Variants in B3GNT2 observed in about 807,000 individuals in gnomAD.
B3GNT2 encodes the protein UDP-GlcNAc:betaGal beta-1,3-N-acetylglucosaminyltransferase 2.
B3GNT2 carries 12 observed loss-of-function variants against 27.6 expected under a neutral mutation model. The observed-to-expected ratio is 0.44, with a 90% CI of 0.28 to 0.71. The LOEUF (loss-of-function observed/expected upper bound fraction) is 0.71, where lower values mean the gene tolerates loss of function less well. B3GNT2 is among the 30% of genes least tolerant of loss of function. The pLI is 0.17. For missense variants in B3GNT2, 413 were observed against 488.5 expected (o/e 0.85, Z 1.46); for synonymous variants, 192 against 189.7 (o/e 1.01, Z -0.10).
chr2:62,218,370 T>C (rs990622732), intron 1 of B3GNT2, among the ~76,000 whole-genome samples: 1 of 152,200 alleles, frequency 6.6e-6, no homozygotes, highest in Non-Finnish European at 1.5e-5. Flanking sequence ...CCTCTTCAGA[T>C]TGGCTTGAAA....
rs544957050 is a variant in B3GNT2 at position 62,223,562 on chromosome 2, G to C, written c.*148G>C. On this transcript the variant is annotated 3_prime_UTR_variant, in exon 2 of 2. Coordinates refer to ENST00000301998, the MANE Select transcript of B3GNT2 (RefSeq NM_006577.6). ...TGAGGGCCTCTAAACCCTTCAATTTGGTACTCACGTGAAGAGGGAAAGCGG... is the reference window on the plus strand; with the variant it reads ...TGAGGGCCTCTAAACCCTTCAATTTCGTACTCACGTGAAGAGGGAAAGCGG... The C allele has an allele frequency of 9.0e-6, 6 of 668,712 alleles. No individual in the cohort carries two copies. Among genetic ancestry groups the C allele is most frequent in the African/African-American group, 7.3e-5 (4 of 54,754 alleles). 41.4% of individuals were successfully genotyped at this position (668,712 alleles called of 1,614,324 possible). A position where few individuals can be genotyped will look rare whatever the true frequency, so the allele number is the denominator to read the frequency against.
chr2:62,214,154 A>G lies in B3GNT2; in HGVS notation c.-9-8058A>G, dbSNP rs77795073. ...GGAATGGAGAAGAAAGGAGTTCTAG[A>G]AAACAACAGACACATAGCTAGAGTT... On this transcript the variant is annotated intron_variant, in intron 1 of 1. Transcript: ENST00000301998. Among the ~76,000 whole-genome samples the G allele has an allele frequency of 4.1e-4, 63 of 152,326 alleles. 2 individuals carry two copies. In the East Asian group the frequency reaches 0.01, roughly 24 times the overall value.
At chr2:62,199,900 A>C (rs1362604046) in intron 1 of B3GNT2, among the ~76,000 whole-genome samples, 2 of 152,226 alleles carry the variant, frequency 1.3e-5, no homozygotes, top group Non-Finnish European at 2.9e-5. Flanking sequence ...TGTGTGGGGT[A>C]AGGTTTTGGG....
chr2:62,212,502 G>A (rs116907092), intron 1 of B3GNT2, among the ~76,000 whole-genome samples: 2 of 151,962 alleles, frequency 1.3e-5, no homozygotes, highest in East Asian at 3.9e-4. Flanking sequence ...TATGGAGGGA[G>A]GCCTCTTCAC....
chr2:62,199,209 G>T (rs987741272), intron 1 of B3GNT2, among the ~76,000 whole-genome samples: 1 of 152,198 alleles, frequency 6.6e-6, no homozygotes. Context: ...AAAGTGCTGG[G>T]ATTACAGACG....
At chr2:62,220,914 C>T (rs1229900433) in intron 1 of B3GNT2, among the ~76,000 whole-genome samples, 4 of 152,178 alleles carry the variant, frequency 2.6e-5, no homozygotes, top group African/African-American at 4.8e-5. Context: ...TTTATTCTTC[C>T]ATTGCCCACA....
At chr2:62,207,902 T>A (rs1002701890) in intron 1 of B3GNT2, among the ~76,000 whole-genome samples, 1 of 152,148 alleles carries the variant, frequency 6.6e-6, no homozygotes, top group African/African-American at 2.4e-5. Context: ...TTGAATTTGA[T>A]TGCCTGAGTG....
rs147249508 is a variant in B3GNT2, at chr2:62,222,385, C to T, written c.165C>T (p.Pro55=). The T allele has an allele frequency of 7.7e-5, 124 of 1,614,080 alleles. No individual in the cohort carries two copies. The highest frequency in any genetic ancestry group is 1.5e-4 in the Admixed American group (9 of 60,002). The part of the protein sequence containing the change: ...KEKFWKISTP[P]EAYWNREQEK... ...AGTTCTGGAAGATATCTACCCCTCCCGAGGCATACTGGAACCGAGAGCAAG... is the reference window on the plus strand; with the variant it reads ...AGTTCTGGAAGATATCTACCCCTCCTGAGGCATACTGGAACCGAGAGCAAG... The change falls in exon 2 of 2, where the codon CCC becomes CCT. Residue 55 remains proline (P), a synonymous_variant. Coordinates refer to ENST00000301998, the MANE Select transcript of B3GNT2 (RefSeq NM_006577.6). The surrounding 1 kb of genome is among the most constrained non-coding windows in gnomAD (Gnocchi z 4.2).
At chr2:62,216,027 C>T (rs560788997) in intron 1 of B3GNT2, among the ~76,000 whole-genome samples, 4 of 152,284 alleles carry the variant, frequency 2.6e-5, no homozygotes, top group African/African-American at 7.2e-5. Flanking sequence ...TAGTTACTGT[C>T]GGGCATCTTT....
At chr2:62,212,480 G>C (rs56203785) in intron 1 of B3GNT2, among the ~76,000 whole-genome samples, 12 of 151,898 alleles carry the variant, frequency 7.9e-5, no homozygotes, top group African/African-American at 2.9e-4. Context: ...ATACATTGAC[G>C]TGGTAAGCTC....
intron 1 of B3GNT2, among the ~76,000 whole-genome samples, chr2:62,221,002 T>G (rs1331315708): frequency 1.3e-5 from 2 of 152,232 alleles, no homozygotes; most frequent in Non-Finnish European, 2.9e-5. Context: ...ATCTTAAATA[T>G]ACACTTCAGG....
intron 1 of B3GNT2, among the ~76,000 whole-genome samples, chr2:62,212,651 C>G (rs934175277): frequency 1.3e-5 from 2 of 151,728 alleles, no homozygotes; most frequent in African/African-American, 2.4e-5. Flanking sequence ...GATCTCTGGC[C>G]TAGGTACCCA....
chr2:62,199,371 G>A (rs1377018577), intron 1 of B3GNT2, among the ~76,000 whole-genome samples: 1 of 152,326 alleles, frequency 6.6e-6, no homozygotes, highest in Middle Eastern at 3.4e-3. Context: ...GTTAATGGAT[G>A]TAGTATTTGA....
In B3GNT2 at chr2:62,224,531, TAAAAC is replaced by T. The variant is rs1674786028; in HGVS notation, c.*1118_*1122del. On this transcript the variant is annotated 3_prime_UTR_variant, in exon 2 of 2. Transcript: ENST00000301998. ...ATGTTAAGGTGTAACATATGTTAAATAAAACTGTTATTTTTGAATTTTAAAATTTG... is the reference window on the plus strand; with the variant it reads ...ATGTTAAGGTGTAACATATGTTAAATTGTTATTTTTGAATTTTAAAATTTG... 6.0e-6 allele frequency: 1 copy of T among 167,086 alleles called. No individual in the cohort carries two copies. The highest frequency in any genetic ancestry group is 2.4e-5 in the African/African-American group (1 of 41,446). 10.4% of individuals were successfully genotyped at this position (167,086 alleles called of 1,614,324 possible). A position where few individuals can be genotyped will look rare whatever the true frequency, so the allele number is the denominator to read the frequency against.
In B3GNT2 at chr2:62,216,633, G is replaced by C. The variant is rs533230458; in HGVS notation, c.-9-5579G>C. Reference sequence around the variant, plus strand: ...TGCCCAGGTTGGTCTCGAACTCCTGGGCTCAAGCAATCCTCTCACCCTGGC... The same window carrying C: ...TGCCCAGGTTGGTCTCGAACTCCTGCGCTCAAGCAATCCTCTCACCCTGGC... On this transcript the variant is annotated intron_variant, in intron 1 of 1. Coordinates refer to ENST00000301998, the MANE Select transcript of B3GNT2 (RefSeq NM_006577.6). Among the ~76,000 whole-genome samples the C allele has an allele frequency of 4.6e-5, 7 of 152,136 alleles. No individual in the cohort carries two copies. The East Asian group carries it at 7.7e-4, about 17-fold the overall frequency.
intron 1 of B3GNT2, among the ~76,000 whole-genome samples, chr2:62,221,122 A>G (rs756747476): frequency 3.9e-5 from 6 of 152,194 alleles, no homozygotes; most frequent in Non-Finnish European, 7.4e-5. Flanking sequence ...CACCACCTCC[A>G]TCACTTTCAG....
At chr2:62,215,097 G>A (rs774628709) in intron 1 of B3GNT2, among the ~76,000 whole-genome samples, 2 of 152,216 alleles carry the variant, frequency 1.3e-5, no homozygotes, top group South Asian at 4.1e-4. Flanking sequence ...GCTTTCGGGG[G>A]GTTGTAATCA....
At chr2:62,212,974 C>A (rs1277450182) in intron 1 of B3GNT2, among the ~76,000 whole-genome samples, 3 of 152,258 alleles carry the variant, frequency 2.0e-5, no homozygotes, top group East Asian at 1.9e-4. Context: ...AGTACACTTG[C>A]TTGTACACAG....
At chr2:62,201,842 C>G (rs1027631690) in intron 1 of B3GNT2, among the ~76,000 whole-genome samples, 2 of 152,190 alleles carry the variant, frequency 1.3e-5, no homozygotes, top group African/African-American at 4.8e-5. Context: ...ACTTCCAATA[C>G]TTTATGGAAA....
Sources: gnomAD v4.1 joint callset for allele counts (sites outside exome capture counted in the v4.1 genomes callset) on GRCh38, gnomAD v4.1.1 for gene constraint, Gnocchi (gnomAD v3.1) non-coding constraint, MANE v1.5 for transcripts, NCBI Gene and HGNC (gene_info 2026-07-23, HGNC 2026-07-21) for gene names.